Variants in KLF7 observed in about 807,000 individuals in gnomAD.
The protein encoded by KLF7 is Krueppel-like factor 7.
A neutral mutation model predicts 27.3 loss-of-function variants in KLF7; 2 were observed. The ratio of observed to expected loss-of-function variants is 0.07; its 90% CI spans 0.03 to 0.23. The LOEUF (loss-of-function observed/expected upper bound fraction) is 0.23, where lower values mean the gene tolerates loss of function less well. KLF7 is among the 10% of genes least tolerant of loss of function. The probability of loss-of-function intolerance (pLI) is 1.00; values close to 1 mark genes in which losing one functional copy is unlikely to be tolerated. For missense variants in KLF7, 221 were observed against 394.1 expected (o/e 0.56, Z 3.72); for synonymous variants, 165 against 162.4 (o/e 1.02, Z -0.12).
At chr2:207,155,178 G>A (rs1039262676) in intron 1 of KLF7, among the ~76,000 whole-genome samples, 5 of 152,158 alleles carry the variant, frequency 3.3e-5, no homozygotes, top group Non-Finnish European at 5.9e-5. Context: ...AATAGAATAC[G>A]CATTTCATAG....
chr2:207,094,482 A>C (rs1193130759), intron 2 of KLF7, among the ~76,000 whole-genome samples: 3 of 152,242 alleles, frequency 2.0e-5, no homozygotes, highest in Non-Finnish European at 4.4e-5. Context: ...GAAAAGAGGA[A>C]TACTTTGCAA....
upstream of KLF7, chr2:207,166,157 C>G (rs2078701579): frequency 1.0e-6 from 1 of 985,680 alleles, no homozygotes; most frequent in African/African-American, 1.8e-5. Flanking sequence ...GCCGTGGGAT[C>G]TCGAGGAGGG....
chr2:207,151,616 G>A (rs2078250191), intron 1 of KLF7, among the ~76,000 whole-genome samples: 1 of 152,000 alleles, frequency 6.6e-6, no homozygotes, highest in South Asian at 2.1e-4. Context: ...CATAATGTCT[G>A]CCTTTCCCTT....
At chr2:207,165,256 T>A (rs931398718) in intron 1 of KLF7, among the ~76,000 whole-genome samples, 4 of 152,142 alleles carry the variant, frequency 2.6e-5, no homozygotes, top group African/African-American at 4.8e-5. Context: ...TCGCACCGGC[T>A]GCTCAGCTCG....
At chr2:207,160,732 G>A (rs2078523130) in intron 1 of KLF7, among the ~76,000 whole-genome samples, 1 of 152,186 alleles carries the variant, frequency 6.6e-6, no homozygotes, top group South Asian at 2.1e-4. Context: ...GCCCCATTAG[G>A]ACCCTCTCTG....
At chr2:207,094,676 C>T (rs2076584476) in intron 2 of KLF7, among the ~76,000 whole-genome samples, 1 of 152,340 alleles carries the variant, frequency 6.6e-6, no homozygotes, top group Non-Finnish European at 1.5e-5. Context: ...CACTCCATAG[C>T]TTGTCAATGT....
In KLF7 at chr2:207,081,397, T is replaced by C. The variant is rs1445771790; in HGVS notation, c.858-133A>G. On this transcript the variant is annotated intron_variant, in intron 3 of 3. Transcript: ENST00000309446. ...TGCATTGAGAAACAGGGCCATGTGT[T>C]GGGAAGGTAAGTTTAAGGGACAAAA... 8.5e-6 allele frequency: 7 copies of C among 823,018 alleles called. No individual in the cohort carries two copies. In the African/African-American group the frequency reaches 1.0e-4, roughly 12 times the overall value. The allele number at this position is 823,018 out of a possible 1,614,324, so 51.0% of individuals were successfully genotyped here.
Position 207,092,548 on chromosome 2 carries a change from G to A in KLF7, c.734-3967C>T, listed in dbSNP as rs62188615. Among the ~76,000 whole-genome samples, 385 of 152,304 alleles carry A rather than the reference G, an allele frequency of 2.5e-3. 4 individuals are homozygous for A. Among genetic ancestry groups the A allele is most frequent in the Non-Finnish European group, 1.9e-3 (132 of 68,026 alleles). On this transcript the variant is annotated intron_variant, in intron 2 of 3. Coordinates refer to ENST00000309446, the MANE Select transcript of KLF7 (RefSeq NM_003709.4). ...CAGACTTATAGCCAGATGAGGGCTC[G>A]TAAGGAGAGGTAAGGGTGCTTGAGA...
chr2:207,135,722 G>C (rs190896607), intron 1 of KLF7, among the ~76,000 whole-genome samples: 1 of 152,050 alleles, frequency 6.6e-6, no homozygotes, highest in Non-Finnish European at 1.5e-5. Context: ...CAGAAGCAGT[G>C]TGCATGTGTT....
intron 2 of KLF7, among the ~76,000 whole-genome samples, chr2:207,099,229 G>C (rs575328699): frequency 1.3e-5 from 2 of 152,150 alleles, no homozygotes; most frequent in African/African-American, 4.8e-5. Context: ...ACACAGCTTT[G>C]AGGGAGGGTA....
intron 1 of KLF7, among the ~76,000 whole-genome samples, chr2:207,132,387 A>C (rs1368670645): frequency 1.3e-5 from 2 of 152,254 alleles, no homozygotes; most frequent in Non-Finnish European, 2.9e-5. Flanking sequence ...TTTGAGAGAC[A>C]ATGCTGTGAA....
At chr2:207,138,208 G>A (rs1266264682) in intron 1 of KLF7, among the ~76,000 whole-genome samples, 1 of 152,204 alleles carries the variant, frequency 6.6e-6, no homozygotes, top group East Asian at 1.9e-4. Context: ...ATGCAAAGGA[G>A]AAATCCCAGT....
At chr2:207,115,190 G>A (rs918549392) in intron 2 of KLF7, among the ~76,000 whole-genome samples, 1 of 149,412 alleles carries the variant, frequency 6.7e-6, no homozygotes, top group African/African-American at 2.5e-5. Flanking sequence ...AAAAAAAAAA[G>A]GGGGGGTATG....
At chr2:207,092,272 C>T in intron 2 of KLF7, among the ~76,000 whole-genome samples, 1 of 152,182 alleles carries the variant, frequency 6.6e-6, no homozygotes. Context: ...GACTTAAAAA[C>T]CCAGGACTCC....
intron 2 of KLF7, among the ~76,000 whole-genome samples, chr2:207,123,035 G>A (rs1217476600): frequency 6.6e-6 from 1 of 151,484 alleles, no homozygotes; most frequent in East Asian, 2.0e-4. Context: ...TTATCCCATT[G>A]CTCAAAAGAT....
chr2:207,139,696 G>T (rs1386096269), intron 1 of KLF7, among the ~76,000 whole-genome samples: 1 of 152,152 alleles, frequency 6.6e-6, no homozygotes, highest in African/African-American at 2.4e-5. Context: ...CTCTCCTGGT[G>T]AGACTGGGGC....
intron 1 of KLF7, chr2:207,134,088 G>A (rs140698399): frequency 7.8e-6 from 12 of 1,533,058 alleles, no homozygotes; most frequent in South Asian, 4.8e-5. Flanking sequence ...GGAACATGCC[G>A]AACCAGTTAC....
intron 1 of KLF7, among the ~76,000 whole-genome samples, chr2:207,156,802 T>C (rs958981925): frequency 6.6e-6 from 1 of 152,234 alleles, no homozygotes; most frequent in Non-Finnish European, 1.5e-5. Flanking sequence ...TGTTTTACTA[T>C]AAACCTCTGG....
intron 1 of KLF7, among the ~76,000 whole-genome samples, chr2:207,147,110 A>T (rs924635063): frequency 6.6e-6 from 1 of 152,178 alleles, no homozygotes; most frequent in African/African-American, 2.4e-5. Context: ...AGGTTAAGAG[A>T]GGGGTGAAGT....
Sources: allele counts gnomAD v4.1 joint callset (sites outside exome capture counted in the v4.1 genomes callset), GRCh38; gene constraint gnomAD v4.1.1; transcripts MANE v1.5; gene names NCBI Gene and HGNC (gene_info 2026-07-23, HGNC 2026-07-21).